Variants in HECTD4 observed in about 807,000 individuals in gnomAD.
HECTD4 encodes the protein HECT domain E3 ubiquitin protein ligase 4.
A neutral mutation model predicts 471.5 loss-of-function variants in HECTD4; 114 were observed. The observed-to-expected ratio is 0.24, with a 90% CI of 0.21 to 0.28. The LOEUF (loss-of-function observed/expected upper bound fraction) is 0.28, where lower values mean the gene tolerates loss of function less well. Ranked by LOEUF, HECTD4 falls within the 10% of genes least tolerant of loss-of-function variation. The probability of loss-of-function intolerance (pLI) is 1.00; values close to 1 mark genes in which losing one functional copy is unlikely to be tolerated. For missense variants in HECTD4, 3,866 were observed against 5,651.5 expected (o/e 0.68, Z 10.13); for synonymous variants, 2,012 against 2,256.0 (o/e 0.89, Z 3.07).
chr12:112,248,731 C>T (rs758912114), intron 25 of HECTD4, among the ~76,000 whole-genome samples: 2 of 152,158 alleles, frequency 1.3e-5, no homozygotes, highest in Non-Finnish European at 2.9e-5. Flanking sequence ...CAGGTGCATG[C>T]TGCCATGCTC....
chr12:112,249,970 C>T, intron 25 of HECTD4, 174 bp downstream of exon 25: 1 of 609,034 alleles, frequency 1.6e-6, no homozygotes, highest in South Asian at 2.0e-5. Context: ...TTTTGAGAGC[C>T]CCTAGTCTGG....
intron 1 of HECTD4, among the ~76,000 whole-genome samples, chr12:112,366,880 CAA>C (rs575561407): frequency 2.5e-4 from 17 of 68,572 alleles, no homozygotes; most frequent in Non-Finnish European, 2.9e-4. Flanking sequence ...AACTCTGTCT[CAA>C]AAAAAAAAAA....
In HECTD4 at chr12:112,229,812, G is replaced by A; in HGVS notation, c.6405C>T (p.Gly2135=). 1.2e-6 allele frequency: 2 copies of A among 1,614,030 alleles called. No individual in the cohort carries two copies. Among genetic ancestry groups the A allele is most frequent in the Non-Finnish European group, 1.7e-6 (2 of 1,179,886 alleles). ...TGGCAAGTTTCCTGCCACTGCTGCT[G>A]CCATTTTCCAGAATGCTTTCTGCGT... ...GKYAESILEN[G]SSSGRKLAKL... The change falls in exon 41 of 76, where the codon GGC becomes GGT. Residue 2135 remains glycine, a synonymous_variant. Coordinates refer to ENST00000682272, the MANE Select transcript of HECTD4 (RefSeq NM_001388303.1).
chr12:112,228,059 C>T lies in HECTD4; in HGVS notation c.6854+30G>A. ...CTTCTGTCAGCTTGCACCATGTCAG[C>T]ACATAAGGCAATGTGGGGAGGGTAC... On this transcript the variant is annotated intron_variant, in intron 43 of 75. Coordinates refer to ENST00000682272, the MANE Select transcript of HECTD4 (RefSeq NM_001388303.1). The surrounding 1 kb of genome is among the most constrained non-coding windows in gnomAD (Gnocchi z 4.9). 4.5e-6 allele frequency: 7 copies of T among 1,566,250 alleles called. No homozygotes were observed. The highest frequency in any genetic ancestry group is 3.5e-6 in the Non-Finnish European group (4 of 1,158,928).
intron 7 of HECTD4, among the ~76,000 whole-genome samples, chr12:112,290,863 C>CAAA (rs1333873159): frequency 7.7e-5 from 9 of 117,156 alleles, no homozygotes; most frequent in African/African-American, 3.2e-4. Flanking sequence ...AAAAACAAAA[C>CAAA]AAAAAAAAAA....
At chr12:112,340,508 T>G (rs1174862541) in intron 1 of HECTD4, among the ~76,000 whole-genome samples, 2 of 152,154 alleles carry the variant, frequency 1.3e-5, no homozygotes, top group Non-Finnish European at 2.9e-5. Flanking sequence ...TCTAGAGATA[T>G]TTTTGGTTGT....
chr12:112,299,914 A>C (rs538033180), intron 7 of HECTD4, among the ~76,000 whole-genome samples: 1 of 152,184 alleles, frequency 6.6e-6, no homozygotes, highest in Admixed American at 6.5e-5. Context: ...ATACGTCTAA[A>C]TATATCTTTA....
At position 112,185,271 on chromosome 12, in the gene HECTD4, G is replaced by A; in HGVS notation, c.9695C>T (p.Ser3232Leu). 1.3e-6 allele frequency: 2 copies of A among 1,551,356 alleles called. No individual in the cohort carries two copies. The highest frequency in any genetic ancestry group is 2.4e-5 in the South Asian group (2 of 84,238). ...LYDEETQNWVSGGACGGSGGA... is the reference protein window; with the variant it reads ...LYDEETQNWVLGGACGGSGGA... ...CCCGGAGCCCCCGCAGGCGCCGCCTGAGACCCAGTTCTGCGTCTCCTCGTC... is the reference window on the plus strand; with the variant it reads ...CCCGGAGCCCCCGCAGGCGCCGCCTAAGACCCAGTTCTGCGTCTCCTCGTC... The change falls in exon 61 of 76, where the codon TCA (serine) becomes TTA (leucine). Residue 3232 changes from serine (S) to leucine (L), a missense_variant. Transcript: ENST00000682272.
rs188563113 is a variant in HECTD4, at chr12:112,295,457, C to A, written c.1335+10607G>T. Among the ~76,000 whole-genome samples the A allele has an allele frequency of 4.6e-3, 699 of 150,918 alleles. 6 individuals are homozygous for A. The highest frequency in any genetic ancestry group is 0.016 in the African/African-American group (668 of 41,144). On this transcript the variant is annotated intron_variant, in intron 7 of 75. Coordinates refer to ENST00000682272, the MANE Select transcript of HECTD4 (RefSeq NM_001388303.1). ...CCTAGCTCACTACAGCCTTGGACTCCTGGACTGAAGTGATCCTTCTACCTC... is the reference window on the plus strand; with the variant it reads ...CCTAGCTCACTACAGCCTTGGACTCATGGACTGAAGTGATCCTTCTACCTC...
intron 32 of HECTD4, among the ~76,000 whole-genome samples, chr12:112,240,624 G>C (rs1446731288): frequency 6.6e-6 from 1 of 151,400 alleles, no homozygotes. Flanking sequence ...TAATTTTTTT[G>C]ACTTTTAGTA....
intron 19 of HECTD4, 73 bp downstream of exon 19, chr12:112,259,039 G>T: frequency 7.4e-7 from 1 of 1,350,204 alleles, no homozygotes; most frequent in Non-Finnish European, 1.0e-6. Flanking sequence ...TCTGTCTTCA[G>T]TGAAAGCAAA....
rs1053396317 is a variant in HECTD4 at position 112,161,054 on chromosome 12, T to A, written c.*1333A>T. 3 of 152,222 alleles carry A rather than the reference T, an allele frequency of 2.0e-5. No individual in the cohort carries two copies. The highest frequency in any genetic ancestry group is 4.4e-5 in the Non-Finnish European group (3 of 68,062). 9.4% of individuals were successfully genotyped at this position (152,222 alleles called of 1,614,324 possible). On this transcript the variant is annotated 3_prime_UTR_variant, in exon 76 of 76. Coordinates refer to ENST00000682272, the MANE Select transcript of HECTD4 (RefSeq NM_001388303.1). ...TCTTTCCAGCAGGCCAGGGCACATC[T>A]TCTTTCTTGGACCAGCATCCACACT...
chr12:112,312,857 C>T (rs1041514649), intron 4 of HECTD4, among the ~76,000 whole-genome samples, 160 bp downstream of exon 4: 1 of 152,112 alleles, frequency 6.6e-6, no homozygotes, highest in African/African-American at 2.4e-5. Context: ...AGCTTTTATA[C>T]GTTTACTGAT....
intron 1 of HECTD4, among the ~76,000 whole-genome samples, chr12:112,376,837 G>A (rs1471282226): frequency 6.6e-6 from 1 of 152,156 alleles, no homozygotes; most frequent in Admixed American, 6.5e-5. Context: ...GACAGGCTGG[G>A]TGCAGTGGCT....
intron 43 of HECTD4, among the ~76,000 whole-genome samples, chr12:112,227,834 A>C (rs1045185567): frequency 7.2e-5 from 11 of 152,170 alleles, no homozygotes; most frequent in African/African-American, 2.7e-4. Flanking sequence ...TATGTGTTTC[A>C]TACATCACAT....
intron 55 of HECTD4, 98 bp from the exon 56 acceptor site, chr12:112,195,164 C>G: frequency 5.7e-6 from 6 of 1,049,660 alleles, no homozygotes; most frequent in Non-Finnish European, 8.2e-6. Flanking sequence ...GATCCTGCCT[C>G]AGGCTTCTCT....
chr12:112,294,129 C>T (rs1401505884), intron 7 of HECTD4, among the ~76,000 whole-genome samples: 2 of 151,870 alleles, frequency 1.3e-5, no homozygotes, highest in Non-Finnish European at 2.9e-5. Flanking sequence ...CTTCTTTTTT[C>T]TTTTCTTACA....
At position 112,210,004 on chromosome 12, in the gene HECTD4, A is replaced by G; in HGVS notation, c.7867+11T>C. The G allele has an allele frequency of 6.2e-7, 1 of 1,600,232 alleles. No homozygotes were observed. Among genetic ancestry groups the G allele is most frequent in the Non-Finnish European group, 8.5e-7 (1 of 1,169,704 alleles). On this transcript the variant is annotated intron_variant, in intron 50 of 75. Coordinates refer to ENST00000682272, the MANE Select transcript of HECTD4 (RefSeq NM_001388303.1). ...AGCCATGGAGGCAGTAAGTTCCAGG[A>G]GGTGACTTACGTTGCTGAGCGGTGG...
In HECTD4 at chr12:112,365,629, A is replaced by T. The variant is rs1240310088; in HGVS notation, c.177+16323T>A. ...TGAACCTTGACAATACTAATGTAAA[A>T]CAACAATCTGAACAACAAAAGAAAC... On this transcript the variant is annotated intron_variant, in intron 1 of 75. Coordinates refer to ENST00000682272, the MANE Select transcript of HECTD4 (RefSeq NM_001388303.1). Among the ~76,000 whole-genome samples the T allele has an allele frequency of 2.0e-5, 3 of 152,198 alleles. No individual in the cohort carries two copies. In the East Asian group the frequency reaches 5.8e-4, roughly 29 times the overall value.
Sources: allele counts gnomAD v4.1 joint callset (sites outside exome capture counted in the v4.1 genomes callset), GRCh38; gene constraint gnomAD v4.1.1; non-coding constraint Gnocchi (gnomAD v3.1); transcripts MANE v1.5; gene names NCBI Gene and HGNC (gene_info 2026-07-23, HGNC 2026-07-21).